CYP11A1: variants seen among roughly 807,000 people sequenced by gnomAD.
The protein encoded by CYP11A1 is cytochrome P450 family 11 subfamily A member 1.
CYP11A1 carries 25 observed loss-of-function variants against 51.9 expected under a neutral mutation model. The ratio of observed to expected loss-of-function variants is 0.48; its 90% CI spans 0.35 to 0.67. The LOEUF is 0.67. Among genes scored for constraint, CYP11A1 ranks in the 30% least tolerant of loss-of-function variants. The pLI is 0.00. For missense variants in CYP11A1, 578 were observed against 680.9 expected (o/e 0.85, Z 1.68); for synonymous variants, 245 against 262.1 (o/e 0.93, Z 0.63).
At chr15:74,349,632 A>G (rs1240234399) in intron 1 of CYP11A1, among the ~76,000 whole-genome samples, 1 of 152,246 alleles carries the variant, frequency 6.6e-6, no homozygotes, top group Non-Finnish European at 1.5e-5. Context: ...AGCCCAAGGC[A>G]ATGATCTGAC....
rs934734886 is a variant in CYP11A1 at position 74,366,133 on chromosome 15, C to A, written c.269+1184G>T. On this transcript the variant is annotated intron_variant, in intron 1 of 8. Coordinates refer to ENST00000268053, the MANE Select transcript of CYP11A1 (RefSeq NM_000781.3). ...GAGCGCAGGAGCAGGCCGGGGGCCACGCTAGGGCGGACCCAATTTCGGAAT... is the reference window on the plus strand; with the variant it reads ...GAGCGCAGGAGCAGGCCGGGGGCCAAGCTAGGGCGGACCCAATTTCGGAAT... The A allele has an allele frequency of 2.3e-5, 23 of 985,434 alleles. No homozygotes were observed. The African/African-American group carries it at 3.1e-4, about 13-fold the overall frequency. 61.0% of individuals were successfully genotyped at this position (985,434 alleles called of 1,614,324 possible).
chr15:74,360,469 A>G (rs1437208568), intron 1 of CYP11A1, among the ~76,000 whole-genome samples: 1 of 151,882 alleles, frequency 6.6e-6, no homozygotes, highest in African/African-American at 2.4e-5. Context: ...TATTTTTAGT[A>G]GAGATGGGGT....
At chr15:74,342,835 G>A in intron 5 of CYP11A1, 142 bp downstream of exon 5, 1 of 840,418 alleles carries the variant, frequency 1.2e-6, no homozygotes, top group South Asian at 1.5e-5. Context: ...TTAGCGCTTT[G>A]GAAATGGAGG....
intron 1 of CYP11A1, among the ~76,000 whole-genome samples, chr15:74,360,429 C>T (rs1394925708): frequency 1.3e-5 from 2 of 151,902 alleles, no homozygotes; most frequent in African/African-American, 4.8e-5. Flanking sequence ...TACAGACGCC[C>T]GCCACCACAC....
At chr15:74,353,110 C>G (rs1384072239) in intron 1 of CYP11A1, among the ~76,000 whole-genome samples, 1 of 151,994 alleles carries the variant, frequency 6.6e-6, no homozygotes, top group African/African-American at 2.4e-5. Context: ...ATTCTGTATA[C>G]AAAAAGTGCC....
chr15:74,348,793 T>A (rs2060643288), intron 1 of CYP11A1, among the ~76,000 whole-genome samples: 2 of 152,126 alleles, frequency 1.3e-5, no homozygotes, highest in Non-Finnish European at 2.9e-5. Flanking sequence ...AGTGCAGTGG[T>A]GTGATCACGG....
chr15:74,340,443 T>C (rs532450658), intron 5 of CYP11A1, among the ~76,000 whole-genome samples: 2 of 152,304 alleles, frequency 1.3e-5, no homozygotes, highest in East Asian at 3.9e-4. Context: ...GACTCCAGCC[T>C]GGAGCAGCCC....
intron 1 of CYP11A1, chr15:74,354,737 C>T (rs1278036084): frequency 6.6e-6 from 1 of 152,434 alleles, no homozygotes; most frequent in Non-Finnish European, 1.5e-5. Flanking sequence ...TATCTCTCAA[C>T]CTCTTTCTCC....
chr15:74,358,828 C>A (rs972578210), intron 1 of CYP11A1, among the ~76,000 whole-genome samples: 2 of 152,194 alleles, frequency 1.3e-5, no homozygotes, highest in African/African-American at 4.8e-5. Flanking sequence ...GTTTCTCAGG[C>A]TCTTGGTATT....
intron 1 of CYP11A1, among the ~76,000 whole-genome samples, chr15:74,357,625 C>T (rs2060686522): frequency 6.6e-6 from 1 of 152,104 alleles, no homozygotes; most frequent in Admixed American, 6.6e-5. Context: ...TGCTCCCACA[C>T]TAGCTCTCTC....
At chr15:74,365,073 C>A (rs1241880132) in intron 1 of CYP11A1, among the ~76,000 whole-genome samples, 1 of 152,130 alleles carries the variant, frequency 6.6e-6, no homozygotes, top group South Asian at 2.1e-4. Flanking sequence ...CTTCCCTCTT[C>A]GTGACTGACC....
At chr15:74,361,504 C>T (rs1009540335) in intron 1 of CYP11A1, 1 of 565,074 alleles carries the variant, frequency 1.8e-6, no homozygotes, top group Non-Finnish European at 3.3e-6. Flanking sequence ...TATAACCTGT[C>T]GCTTTGCAGA....
chr15:74,342,962 C>T lies in CYP11A1; in HGVS notation c.990+15G>A, dbSNP rs2141233580. 6.2e-7 allele frequency: 1 copy of T among 1,612,100 alleles called. No individual in the cohort carries two copies. The highest frequency in any genetic ancestry group is 2.2e-5 in the East Asian group (1 of 44,876). ...CACAGGGGGCAACAAGGTGCCGCCC[C>T]TACAGCCACCTCACCGTGTCCACCC... On this transcript the variant is annotated intron_variant, in intron 5 of 8. Transcript: ENST00000268053.
At position 74,345,277 on chromosome 15, in the gene CYP11A1, C is replaced by A; in HGVS notation, c.426-34G>T. The A allele has an allele frequency of 6.2e-7, 1 of 1,612,546 alleles. No individual in the cohort carries two copies. Among genetic ancestry groups the A allele is most frequent in the South Asian group, 1.1e-5 (1 of 90,950 alleles). On this transcript the variant is annotated intron_variant, in intron 2 of 8. Coordinates refer to ENST00000268053, the MANE Select transcript of CYP11A1 (RefSeq NM_000781.3). The surrounding 1 kb of genome is among the most constrained non-coding windows in gnomAD (Gnocchi z 4.3). ...ACATGGGCCCACAAGCCCTCATGGT[C>A]ACAGACCCCAGGCCTGGTGAACACA...
intron 1 of CYP11A1, among the ~76,000 whole-genome samples, chr15:74,359,141 G>T (rs2060695309): frequency 6.6e-6 from 1 of 152,016 alleles, no homozygotes; most frequent in Non-Finnish European, 1.5e-5. Context: ...TTGCATCCAG[G>T]CCATCACCAA....
intron 3 of CYP11A1, among the ~76,000 whole-genome samples, chr15:74,344,239 G>A: frequency 6.6e-6 from 1 of 152,232 alleles, no homozygotes; most frequent in East Asian, 1.9e-4. Flanking sequence ...AAGGTGGGAA[G>A]CAGGGTCTCC....
chr15:74,348,202 T>C, intron 1 of CYP11A1, 147 bp from the exon 2 acceptor site: 1 of 819,660 alleles, frequency 1.2e-6, no homozygotes, highest in South Asian at 1.7e-5. Context: ...AGTTTCCTCT[T>C]CTGTAAAATG....
At chr15:74,366,025 G>A (rs1596170026) in intron 1 of CYP11A1, 2 of 985,970 alleles carry the variant, frequency 2.0e-6, no homozygotes, top group East Asian at 1.1e-4. Context: ...CCTGGACCTC[G>A]CCCTGAGGTA....
rs968026374 is a variant in CYP11A1, at chr15:74,345,561, C to T, written c.426-318G>A. On this transcript the variant is annotated intron_variant, in intron 2 of 8. Coordinates refer to ENST00000268053, the MANE Select transcript of CYP11A1 (RefSeq NM_000781.3). The surrounding 1 kb of genome is among the most constrained non-coding windows in gnomAD (Gnocchi z 4.3). ...TAACTTTCAGTCTCTCCAGTCTTTG[C>T]CTCAGCTGCAGGCATGCCTTCCATG... is the stretch of plus-strand genomic sequence containing the variant. 6.6e-6 allele frequency among the ~76,000 whole-genome samples: 1 copy of T among 152,182 alleles called. No homozygotes were observed. The highest frequency in any genetic ancestry group is 1.5e-5 in the Non-Finnish European group (1 of 68,040).
Sources: gnomAD v4.1 joint callset for allele counts (sites outside exome capture counted in the v4.1 genomes callset) on GRCh38, gnomAD v4.1.1 for gene constraint, Gnocchi (gnomAD v3.1) non-coding constraint, MANE v1.5 for transcripts, NCBI Gene and HGNC (gene_info 2026-07-23, HGNC 2026-07-21) for gene names.